The following MAST4 variants were observed in gnomAD, a reference collection of about 807,000 sequenced individuals.
MAST4 encodes microtubule associated serine/threonine kinase family member 4.
In MAST4, 89 loss-of-function variants were observed where a neutral mutation model predicts 162.7. The ratio of observed to expected loss-of-function variants is 0.55; its 90% confidence interval spans 0.46 to 0.65. The LOEUF (loss-of-function observed/expected upper bound fraction) is 0.65, where lower values mean the gene tolerates loss of function less well. Ranked by LOEUF, MAST4 falls within the 30% of genes least tolerant of loss-of-function variation. The pLI, the probability that MAST4 is intolerant of heterozygous loss-of-function variation, is 0.00. For synonymous variants in MAST4, 1,479 were observed against 1,361.1 expected (o/e 1.09, Z -1.91); for missense variants, 3,153 against 3,374.0 (o/e 0.93, Z 1.62).
At chr5:67,076,057 G>T (rs1761607621) in intron 5 of MAST4, among the ~76,000 whole-genome samples, 1 of 152,074 alleles carries the variant, frequency 6.6e-6, no homozygotes, top group African/African-American at 2.4e-5. Flanking sequence ...CACCTTGATT[G>T]CCCAGTGGCC....
At chr5:66,825,916 G>A (rs26383) in intron 3 of MAST4, among the ~76,000 whole-genome samples, 74,428 of 152,060 alleles carry the variant, frequency 0.49, 18,464 homozygotes, top group East Asian at 0.65. Context: ...ATATTCCATG[G>A]AGGTATAAAA....
intron 2 of MAST4, among the ~76,000 whole-genome samples, chr5:66,771,297 G>C (rs1231480473): frequency 6.6e-6 from 1 of 151,840 alleles, no homozygotes; most frequent in Non-Finnish European, 1.5e-5. Context: ...CCATTCTCCT[G>C]CCTCAGCCTC....
intron 4 of MAST4, among the ~76,000 whole-genome samples, chr5:66,919,975 T>TC (rs1764422329): frequency 7.2e-6 from 1 of 138,082 alleles, no homozygotes; most frequent in East Asian, 2.0e-4. Context: ...CTTCCTTCCT[T>TC]CTTTCTCTCT....
intron 5 of MAST4, among the ~76,000 whole-genome samples, chr5:67,074,666 A>G (rs1160933246): frequency 1.3e-5 from 2 of 152,204 alleles, no homozygotes; most frequent in Non-Finnish European, 2.9e-5. Context: ...TTGTAATTAT[A>G]ACCTAATTAT....
At chr5:66,817,348 A>G (rs1756781676) in intron 3 of MAST4, among the ~76,000 whole-genome samples, 1 of 152,076 alleles carries the variant, frequency 6.6e-6, no homozygotes, top group Non-Finnish European at 1.5e-5. Flanking sequence ...AAAACCATTG[A>G]CTCCCTAATC....
rs897838057 is a variant in MAST4 at position 67,099,311 on chromosome 5, A to T, written c.913-1124A>T. Among the ~76,000 whole-genome samples the T allele has an allele frequency of 3.3e-5, 5 of 151,882 alleles. No homozygotes were observed. In the South Asian group the frequency reaches 1.0e-3, roughly 32 times the overall value. On this transcript the variant is annotated intron_variant, in intron 7 of 28. Transcript: ENST00000403625. ...ATCTCATAAGTCTAGTAGTGCTCTC[A>T]TTTTTTTATTGCTTGTAAAATAATC... is the stretch of plus-strand genomic sequence containing the variant.
At chr5:66,769,882 AG>A (rs796359831) in intron 2 of MAST4, among the ~76,000 whole-genome samples, 3 of 152,358 alleles carry the variant, frequency 2.0e-5, no homozygotes, top group African/African-American at 7.2e-5. Flanking sequence ...GCCAACCAGA[AG>A]AAAAAGCCCA....
At chr5:67,144,082 G>A (rs962142822) in intron 21 of MAST4, among the ~76,000 whole-genome samples, 3 of 152,028 alleles carry the variant, frequency 2.0e-5, no homozygotes, top group East Asian at 1.9e-4. Flanking sequence ...CAGGAACCCC[G>A]GCACCAACAT....
chr5:67,134,421 G>A (rs576538964), intron 17 of MAST4, 102 bp from the exon 18 acceptor site: 8 of 960,910 alleles, frequency 8.3e-6, no homozygotes, highest in Non-Finnish European at 1.2e-5. Context: ...CCATGTGGTT[G>A]AGCAGGTGCA....
chr5:66,733,816 T>C (rs1329076642), intron 1 of MAST4, among the ~76,000 whole-genome samples: 1 of 152,106 alleles, frequency 6.6e-6, no homozygotes, highest in Non-Finnish European at 1.5e-5. Flanking sequence ...AAATGTGCAT[T>C]GTAGTATGGC....
chr5:67,088,093 T>C (rs1469777323), intron 5 of MAST4, among the ~76,000 whole-genome samples: 1 of 152,230 alleles, frequency 6.6e-6, no homozygotes, highest in Non-Finnish European at 1.5e-5. Context: ...AGGGTCAGCA[T>C]GGGGACCATT....
At chr5:66,621,269 C>T (rs1744058848) in intron 1 of MAST4, among the ~76,000 whole-genome samples, 1 of 152,206 alleles carries the variant, frequency 6.6e-6, no homozygotes, top group Non-Finnish European at 1.5e-5. Context: ...CAAGGCACTA[C>T]TGTAAGGCAA....
Position 67,149,418 on chromosome 5 carries a change from A to G in MAST4, c.3124A>G (p.Ile1042Val). ...VGSFSEHLDQINGRSECVDST... is the reference protein window; with the variant it reads ...VGSFSEHLDQVNGRSECVDST... The stretch of plus-strand genomic sequence containing the variant: ...CAGTTTTTCAGAGCACTTGGATCAG[A>G]TAAATGGACGAAGCGAGTGTGTGGA... The change falls in exon 24 of 29, where the codon ATA becomes GTA. Residue 1042 changes from isoleucine to valine, a missense_variant. Coordinates refer to ENST00000403625, the MANE Select transcript of MAST4 (RefSeq NM_001164664.2). 1 of 1,613,430 alleles carries G rather than the reference A, an allele frequency of 6.2e-7. No individual in the cohort carries two copies. The highest frequency in any genetic ancestry group is 1.3e-5 in the African/African-American group (1 of 75,068).
intron 12 of MAST4, chr5:67,115,067 A>G (rs1171630289): frequency 6.8e-6 from 1 of 147,102 alleles, no homozygotes; most frequent in African/African-American, 2.5e-5. Flanking sequence ...AAAAAAAAAG[A>G]TTTATGGTTT....
At chr5:66,994,539 A>G (rs1750413326) in intron 4 of MAST4, among the ~76,000 whole-genome samples, 1 of 152,160 alleles carries the variant, frequency 6.6e-6, no homozygotes, top group South Asian at 2.1e-4. Context: ...TCTCATTCCT[A>G]TTAACTGGAG....
Position 67,169,197 on chromosome 5 carries a change from A to G in MAST4, c.*2146A>G, listed in dbSNP as rs555158025. 1.3e-5 allele frequency: 2 copies of G among 152,370 alleles called. No individual in the cohort carries two copies. Among genetic ancestry groups the G allele is most frequent in the East Asian group, 1.9e-4 (1 of 5,196 alleles). The allele number at this position is 152,370 out of a possible 1,614,324, so 9.4% of individuals were successfully genotyped here. A position where few individuals can be genotyped will look rare whatever the true frequency, so the allele number is the denominator to read the frequency against. ...GTCCAATTTCCTTTAAAGCACAACT[A>G]GCTATTTGTTTACAAATGATATTTT... On this transcript the variant is annotated 3_prime_UTR_variant, in exon 29 of 29. Coordinates refer to ENST00000403625, the MANE Select transcript of MAST4 (RefSeq NM_001164664.2).
chr5:66,668,005 C>G (rs1429158980), intron 1 of MAST4, among the ~76,000 whole-genome samples: 1 of 152,054 alleles, frequency 6.6e-6, no homozygotes, highest in South Asian at 2.1e-4. Context: ...GAAAATCTTC[C>G]ATTTGAATTT....
intron 3 of MAST4, among the ~76,000 whole-genome samples, chr5:66,876,389 T>A (rs757167419): frequency 3.9e-5 from 6 of 152,006 alleles, no homozygotes; most frequent in Non-Finnish European, 7.4e-5. Flanking sequence ...ATGCATGCAG[T>A]AGTCATCGGT....
intron 4 of MAST4, among the ~76,000 whole-genome samples, chr5:66,985,278 CT>C (rs768796011): frequency 2.0e-5 from 3 of 152,110 alleles, no homozygotes; most frequent in Non-Finnish European, 2.9e-5. Context: ...TGAAAGGTCT[CT>C]GCCCATCTGT....
Sources: gnomAD v4.1 joint callset for allele counts (sites outside exome capture counted in the v4.1 genomes callset) on GRCh38, gnomAD v4.1.1 for gene constraint, MANE v1.5 for transcripts, NCBI Gene and HGNC (gene_info 2026-07-23, HGNC 2026-07-21) for gene names.